The following UNC5D variants were observed in gnomAD, a reference collection of about 807,000 sequenced individuals.
The protein encoded by UNC5D is netrin receptor UNC5D.
A neutral mutation model predicts 105.4 loss-of-function variants in UNC5D; 39 were observed. The ratio of observed to expected loss-of-function variants is 0.37; its 90% CI spans 0.29 to 0.48. UNC5D has a LOEUF of 0.48. Among genes scored for constraint, UNC5D ranks in the 20% least tolerant of loss-of-function variants. The pLI is 0.98. For synonymous variants in UNC5D, 452 were observed against 450.4 expected (o/e 1.00, Z -0.04); for missense variants, 991 against 1,202.4 (o/e 0.82, Z 2.60).
At chr8:35,333,436 C>T (rs181350308) in intron 1 of UNC5D, among the ~76,000 whole-genome samples, 1 of 152,146 alleles carries the variant, frequency 6.6e-6, no homozygotes, top group African/African-American at 2.4e-5. Flanking sequence ...TAGTCTTTTC[C>T]TTAAAGTGAC....
intron 4 of UNC5D, among the ~76,000 whole-genome samples, chr8:35,664,374 ATTTG>A (rs951336413): frequency 5.3e-5 from 8 of 151,812 alleles, no homozygotes; most frequent in East Asian, 1.9e-4. Context: ...ATTCTTGTTT[ATTTG>A]TTTGTTTGTT....
At chr8:35,340,245 C>A (rs1186849357) in intron 1 of UNC5D, among the ~76,000 whole-genome samples, 1 of 152,140 alleles carries the variant, frequency 6.6e-6, no homozygotes, top group Non-Finnish European at 1.5e-5. Context: ...GTCTAGAAAA[C>A]TTCTGTCTCT....
chr8:35,734,026 C>T (rs1307617689), intron 11 of UNC5D, among the ~76,000 whole-genome samples: 1 of 151,936 alleles, frequency 6.6e-6, no homozygotes, highest in Non-Finnish European at 1.5e-5. Context: ...GATGCCAGAA[C>T]ATTGCATTCA....
At chr8:35,463,311 A>G (rs2129692709) in intron 1 of UNC5D, among the ~76,000 whole-genome samples, 1 of 152,298 alleles carries the variant, frequency 6.6e-6, no homozygotes, top group African/African-American at 2.4e-5. Flanking sequence ...ATTTATGCAA[A>G]TTTGAAGTCT....
chr8:35,281,817 A>T (rs527860330), intron 1 of UNC5D, among the ~76,000 whole-genome samples: 2 of 152,272 alleles, frequency 1.3e-5, no homozygotes, highest in Admixed American at 6.5e-5. Context: ...TCTTCTCTCC[A>T]TTCCTAGCCT....
At chr8:35,773,467 G>A (rs1802097781) in intron 15 of UNC5D, among the ~76,000 whole-genome samples, 2 of 152,028 alleles carry the variant, frequency 1.3e-5, no homozygotes, top group Admixed American at 1.3e-4. Flanking sequence ...CACAACTTTA[G>A]GACTTGGGAA....
intron 1 of UNC5D, among the ~76,000 whole-genome samples, chr8:35,449,453 C>G (rs1394053695): frequency 6.6e-6 from 1 of 152,282 alleles, no homozygotes; most frequent in South Asian, 2.1e-4. Context: ...CTCTACTGAC[C>G]TGTCCCGCCC....
At chr8:35,512,141 G>A (rs1042675374) in intron 1 of UNC5D, among the ~76,000 whole-genome samples, 6 of 152,012 alleles carry the variant, frequency 3.9e-5, no homozygotes, top group Admixed American at 1.3e-4. Context: ...ACTAATGGAG[G>A]TTATACTACA....
intron 1 of UNC5D, among the ~76,000 whole-genome samples, chr8:35,483,351 A>G (rs1451423993): frequency 1.3e-5 from 2 of 152,254 alleles, no homozygotes; most frequent in Non-Finnish European, 2.9e-5. Context: ...AATTTTATGA[A>G]TTTGCATATC....
chr8:35,548,560 T>C (rs1815868178), intron 1 of UNC5D, among the ~76,000 whole-genome samples: 1 of 152,178 alleles, frequency 6.6e-6, no homozygotes, highest in African/African-American at 2.4e-5. Flanking sequence ...CTCCATTTCC[T>C]AAGGTTAGGG....
rs1193877287 is a variant in UNC5D, at chr8:35,507,840, A to G, written c.104-41452A>G. Among the ~76,000 whole-genome samples the G allele has an allele frequency of 3.3e-5, 5 of 152,296 alleles. No individual in the cohort carries two copies. In the East Asian group the frequency reaches 9.7e-4, roughly 29 times the overall value. ...TTCTATGATGTGATTATTACACAGT[A>G]CATTCCTGGATCAAAACATCTCATG... On this transcript the variant is annotated intron_variant, in intron 1 of 16. Transcript: ENST00000404895.
intron 4 of UNC5D, among the ~76,000 whole-genome samples, chr8:35,672,802 G>A (rs988571097): frequency 7.2e-5 from 11 of 152,074 alleles, no homozygotes; most frequent in East Asian, 1.9e-4. Context: ...GAGGATGTTC[G>A]CTTTCCCAGA....
At chr8:35,558,042 C>T (rs1423254772) in intron 2 of UNC5D, among the ~76,000 whole-genome samples, 1 of 149,260 alleles carries the variant, frequency 6.7e-6, no homozygotes, top group Non-Finnish European at 1.5e-5. Flanking sequence ...AGGAGAATCG[C>T]TTGAACCTGG....
At chr8:35,317,003 T>G (rs372117931) in intron 1 of UNC5D, among the ~76,000 whole-genome samples, 9 of 152,270 alleles carry the variant, frequency 5.9e-5, no homozygotes, top group African/African-American at 2.2e-4. Context: ...CATCTCAACT[T>G]AAAATGAGTG....
At chr8:35,733,006 T>TGTC (rs1456431584) in intron 11 of UNC5D, among the ~76,000 whole-genome samples, 1 of 152,130 alleles carries the variant, frequency 6.6e-6, no homozygotes, top group Admixed American at 6.6e-5. Flanking sequence ...TGTCTACTGC[T>TGTC]GTCTAGGAAG....
At chr8:35,734,557 T>C (rs956285498) in intron 11 of UNC5D, among the ~76,000 whole-genome samples, 7 of 151,054 alleles carry the variant, frequency 4.6e-5, no homozygotes, top group Non-Finnish European at 7.4e-5. Flanking sequence ...ATTGCAGGCA[T>C]GTGCCACCAT....
At chr8:35,282,460 A>T (rs991066526) in intron 1 of UNC5D, among the ~76,000 whole-genome samples, 11 of 152,180 alleles carry the variant, frequency 7.2e-5, no homozygotes, top group Admixed American at 3.9e-4. Flanking sequence ...ATCAGAAATT[A>T]TTGTCACATG....
At chr8:35,699,426 T>G (rs1827022315) in intron 7 of UNC5D, among the ~76,000 whole-genome samples, 1 of 152,188 alleles carries the variant, frequency 6.6e-6, no homozygotes, top group Non-Finnish European at 1.5e-5. Flanking sequence ...GATGGGATCT[T>G]GAACAATGCA....
At chr8:35,718,009 A>T (rs753959247) in intron 8 of UNC5D, among the ~76,000 whole-genome samples, 1 of 152,072 alleles carries the variant, frequency 6.6e-6, no homozygotes, top group Non-Finnish European at 1.5e-5. Context: ...CCTTCCAGCC[A>T]TGAGCACATT....
Sources: allele counts gnomAD v4.1 joint callset (sites outside exome capture counted in the v4.1 genomes callset), GRCh38; gene constraint gnomAD v4.1.1; transcripts MANE v1.5; gene names NCBI Gene and HGNC (gene_info 2026-07-23, HGNC 2026-07-21).